Variants in SPG11 observed in about 807,000 individuals in gnomAD.
SPG11 encodes SPG11 vesicle trafficking associated, spatacsin.
In SPG11, 222 loss-of-function variants were observed where a neutral mutation model predicts 274.0. The observed-to-expected ratio is 0.81, with a 90% confidence interval of 0.73 to 0.91. The LOEUF is 0.91. SPG11 is among the 40% of genes least tolerant of loss of function. The pLI, the probability that SPG11 is intolerant of heterozygous loss-of-function variation, is 0.00. For synonymous variants in SPG11, 1,144 were observed against 1,039.7 expected (o/e 1.10, Z -1.93); for missense variants, 3,114 against 2,872.7 (o/e 1.08, Z -1.92).
chr15:44,572,458 G>T, intron 33 of SPG11: 1 of 553,292 alleles, frequency 1.8e-6, no homozygotes, highest in Non-Finnish European at 3.2e-6. Context: ...AGTATGTTGA[G>T]TAAAGGTTAC....
chr15:44,615,555 A>G lies in SPG11; in HGVS notation c.2846T>C (p.Phe949Ser). ...ILDKLARNGV[F>S]LASELEDFEC... Reference sequence around the variant, plus strand: ...AAAGTCTTCCAGTTCAGATGCCAAAAAAACCCCATTCCTATGGACAGATTT... The same window carrying G: ...AAAGTCTTCCAGTTCAGATGCCAAAGAAACCCCATTCCTATGGACAGATTT... The change falls in exon 16 of 40, where the codon TTT (phenylalanine) becomes TCT (serine). Residue 949 changes from phenylalanine (F) to serine (S), a missense_variant. Phe to Ser is a radical substitution (Grantham distance 155). Transcript: ENST00000261866. 1 of 1,614,044 alleles carries G rather than the reference A, an allele frequency of 6.2e-7. No homozygotes were observed. The highest frequency in any genetic ancestry group is 1.1e-5 in the South Asian group (1 of 91,080).
intron 17 of SPG11, among the ~76,000 whole-genome samples, chr15:44,613,158 T>C (rs1174694716): frequency 6.6e-6 from 1 of 152,046 alleles, no homozygotes; most frequent in East Asian, 1.9e-4. Context: ...GACAAACTGG[T>C]GGGATAAGGG....
intron 4 of SPG11, among the ~76,000 whole-genome samples, chr15:44,652,601 T>G (rs1276523476): frequency 1.3e-5 from 2 of 152,044 alleles, no homozygotes; most frequent in African/African-American, 4.8e-5. Context: ...AAATGGAAAC[T>G]AAGGTTCAGA....
At chr15:44,613,944 G>A (rs1312543921) in intron 16 of SPG11, among the ~76,000 whole-genome samples, 6 of 152,112 alleles carry the variant, frequency 3.9e-5, no homozygotes, top group Admixed American at 2.0e-4. Context: ...CTTGGGAGGC[G>A]GAGGTGGGGG....
intron 31 of SPG11, 32 bp downstream of exon 31, chr15:44,574,870 C>T (rs751181128): frequency 1.9e-6 from 3 of 1,612,920 alleles, no homozygotes; most frequent in Non-Finnish European, 1.7e-6. Flanking sequence ...CCCTCCCTCT[C>T]AGAAAGAGGA....
chr15:44,663,419 G>C lies in SPG11; in HGVS notation c.229C>G (p.Arg77Gly). 1.9e-6 allele frequency: 3 copies of C among 1,606,310 alleles called. No individual in the cohort carries two copies. Among genetic ancestry groups the C allele is most frequent in the Non-Finnish European group, 2.5e-6 (3 of 1,177,106 alleles). The change falls in exon 1 of 40, where the codon CGC (arginine) becomes GGC (glycine). Residue 77 changes from arginine (R) to glycine (G), a missense_variant. Transcript: ENST00000261866. ...SLTPGSRGGG[R>G]CCLEGPFWHF... ...CAGAAGGGGCCCTCCAGGCAGCAGC[G>C]ACCCCCGCCCCGGCTGCCAGGCGTC...
chr15:44,611,244 G>C (rs557093123), intron 17 of SPG11, among the ~76,000 whole-genome samples: 127 of 152,122 alleles, frequency 8.3e-4, no homozygotes, highest in Non-Finnish European at 6.8e-4. Flanking sequence ...GAGAAAAATT[G>C]TAACAAATGA....
At chr15:44,632,517 A>ATT (rs544008892) in intron 8 of SPG11, among the ~76,000 whole-genome samples, 7 of 142,772 alleles carry the variant, frequency 4.9e-5, no homozygotes, top group East Asian at 4.1e-4. Context: ...GTCTGGGTGA[A>ATT]TTTTTTTTTT....
intron 4 of SPG11, among the ~76,000 whole-genome samples, chr15:44,656,614 T>C (rs984242970): frequency 2.3e-4 from 35 of 152,110 alleles, no homozygotes; most frequent in African/African-American, 7.0e-4. Context: ...AAGTAGTGAC[T>C]TGGGGGAGGG....
At chr15:44,569,119 C>G (rs2082363914) in intron 35 of SPG11, among the ~76,000 whole-genome samples, 1 of 149,386 alleles carries the variant, frequency 6.7e-6, no homozygotes. Context: ...GCGCCGAGAT[C>G]ACGCCATTTG....
At position 44,564,667 on chromosome 15, in the gene SPG11, A is replaced by G; in HGVS notation, c.7031T>C (p.Val2344Ala). Residue 2344 changes from valine (V) to alanine (A), a missense_variant, in exon 39 of 40, where the codon GTT (valine) becomes GCT (alanine). By Grantham distance (64) the Val-to-Ala change is moderately conservative (BLOSUM62 0). Transcript: ENST00000261866. ...GTATAAAATTTCAGCCCAATCTGGA[A>G]CAAAATCGTAGGCCTCAGCCACAAT... ...ASIVAEAYDFVPDWAEILYQQ... is the reference protein window; with the variant it reads ...ASIVAEAYDFAPDWAEILYQQ... The G allele has an allele frequency of 6.2e-7, 1 of 1,614,204 alleles. No individual in the cohort carries two copies. The highest frequency in any genetic ancestry group is 8.5e-7 in the Non-Finnish European group (1 of 1,180,024).
At chr15:44,590,198 A>G (rs527871707) in intron 27 of SPG11, among the ~76,000 whole-genome samples, 2 of 152,352 alleles carry the variant, frequency 1.3e-5, no homozygotes, top group Admixed American at 1.3e-4. Context: ...AGACGTGCCT[A>G]ACATTACTTC....
intron 7 of SPG11, among the ~76,000 whole-genome samples, chr15:44,639,097 A>T (rs1248957182): frequency 2.6e-5 from 4 of 152,160 alleles, no homozygotes; most frequent in African/African-American, 9.7e-5. Flanking sequence ...AAAATGTAAT[A>T]ATGTGGTTCA....
rs753961704 is a variant in SPG11 at position 44,629,219 on chromosome 15, G to C, written c.1891+14C>G. 3 of 1,613,506 alleles carry C rather than the reference G, an allele frequency of 1.9e-6. No homozygotes were observed. The highest frequency in any genetic ancestry group is 1.7e-6 in the Non-Finnish European group (2 of 1,179,552). ...GAACAGTAGAATTGCCCCCTTCCTA[G>C]CTGCTATTCTTACCTTCAGTGTGAA... On this transcript the variant is annotated intron_variant, in intron 9 of 39. Coordinates refer to ENST00000261866, the MANE Select transcript of SPG11 (RefSeq NM_025137.4).
At chr15:44,608,780 C>T (rs964661361) in intron 18 of SPG11, among the ~76,000 whole-genome samples, 175 bp from the exon 19 acceptor site, 1 of 152,164 alleles carries the variant, frequency 6.6e-6, no homozygotes, top group African/African-American at 2.4e-5. Flanking sequence ...CTAAGACAAA[C>T]TAGCTATGTG....
Position 44,626,581 on chromosome 15 carries a change from C to T in SPG11, c.2068-74G>A, listed in dbSNP as rs983814620. ...TTATGATTATCAACATGGGATTATACATTTATGTAACATCTAACAAAGGAA... is the reference window on the plus strand; with the variant it reads ...TTATGATTATCAACATGGGATTATATATTTATGTAACATCTAACAAAGGAA... On this transcript the variant is annotated intron_variant, in intron 10 of 39. Coordinates refer to ENST00000261866, the MANE Select transcript of SPG11 (RefSeq NM_025137.4). The T allele has an allele frequency of 2.1e-6, 3 of 1,451,718 alleles. No individual in the cohort carries two copies. The African/African-American group carries it at 4.2e-5, about 20-fold the overall frequency. 89.9% of individuals were successfully genotyped at this position (1,451,718 alleles called of 1,614,324 possible).
chr15:44,579,778 C>T (rs540413223), intron 30 of SPG11, among the ~76,000 whole-genome samples: 9 of 152,218 alleles, frequency 5.9e-5, no homozygotes, highest in South Asian at 2.1e-4. Context: ...AATGCAGTTA[C>T]GTGCTGTATA....
intron 8 of SPG11, among the ~76,000 whole-genome samples, chr15:44,631,791 C>T (rs1169499058): frequency 6.8e-6 from 1 of 147,596 alleles, no homozygotes; most frequent in Admixed American, 6.8e-5. Flanking sequence ...AGGTGTGAGC[C>T]ACTGCACCCA....
chr15:44,643,611 A>G (rs186329111), intron 7 of SPG11, among the ~76,000 whole-genome samples: 1 of 152,300 alleles, frequency 6.6e-6, no homozygotes, highest in Admixed American at 6.5e-5. Flanking sequence ...ACAATCTCAG[A>G]TTAGGCAATG....
Sources: allele counts gnomAD v4.1 joint callset (sites outside exome capture counted in the v4.1 genomes callset), GRCh38; gene constraint gnomAD v4.1.1; transcripts MANE v1.5; gene names NCBI Gene and HGNC (gene_info 2026-07-23, HGNC 2026-07-21).